CACNG5: variants seen among roughly 807,000 people sequenced by gnomAD.
CACNG5 encodes the protein calcium voltage-gated channel auxiliary subunit gamma 5.
Under a neutral mutation model 24.8 loss-of-function variants are expected in CACNG5, and 18 were observed. The observed-to-expected ratio is 0.73, with a 90% confidence interval of 0.50 to 1.08. The LOEUF (loss-of-function observed/expected upper bound fraction) is 1.08, where lower values mean the gene tolerates loss of function less well. Ranked by LOEUF, CACNG5 falls within the 50% of genes least tolerant of loss-of-function variation. CACNG5 has a pLI of 0.00. For synonymous variants in CACNG5, 157 were observed against 149.1 expected, an observed-to-expected ratio of 1.05 and a Z score of -0.39; for missense variants, 349 against 367.9, an observed-to-expected ratio of 0.95 and a Z score of 0.42.
At chr17:66,851,420 T>C (rs1167512712) in intron 1 of CACNG5, among the ~76,000 whole-genome samples, 1 of 152,178 alleles carries the variant, frequency 6.6e-6, no homozygotes, top group Non-Finnish European at 1.5e-5. Flanking sequence ...CAATAAAAAT[T>C]ACAGACCACA....
intron 1 of CACNG5, among the ~76,000 whole-genome samples, chr17:66,852,843 TTCCC>T (rs112031794): frequency 2.6e-5 from 4 of 151,836 alleles, no homozygotes; most frequent in Admixed American, 2.0e-4. Flanking sequence ...CGCTTCCCTT[TTCCC>T]TCCCTCCCTC....
intron 1 of CACNG5, among the ~76,000 whole-genome samples, chr17:66,854,184 C>T (rs564334987): frequency 6.6e-6 from 1 of 152,318 alleles, no homozygotes; most frequent in African/African-American, 2.4e-5. Flanking sequence ...AATCTCAGCA[C>T]TTTGGGAGGC....
intron 1 of CACNG5, among the ~76,000 whole-genome samples, chr17:66,843,224 C>A (rs1976591095): frequency 1.3e-5 from 2 of 152,178 alleles, no homozygotes; most frequent in Non-Finnish European, 2.9e-5. Context: ...GGATTTGAAC[C>A]TAGGCCCTTC....
At chr17:66,871,920 C>T (rs1054232971) in intron 1 of CACNG5, among the ~76,000 whole-genome samples, 1 of 152,140 alleles carries the variant, frequency 6.6e-6, no homozygotes, top group Non-Finnish European at 1.5e-5. Context: ...GGAACCCAGC[C>T]CTCAAAAGAT....
chr17:66,870,143 TG>T (rs1344201128), intron 1 of CACNG5, among the ~76,000 whole-genome samples: 1 of 152,106 alleles, frequency 6.6e-6, no homozygotes, highest in African/African-American at 2.4e-5. Flanking sequence ...ACTGTTTTAT[TG>T]TGCTCATGAT....
intron 1 of CACNG5, among the ~76,000 whole-genome samples, chr17:66,859,285 C>CT (rs1366652095): frequency 6.6e-6 from 1 of 152,140 alleles, no homozygotes; most frequent in Non-Finnish European, 1.5e-5. Context: ...GAACTCAGGG[C>CT]TTATGGCTGT....
intron 1 of CACNG5, among the ~76,000 whole-genome samples, chr17:66,869,997 C>A (rs138971494): frequency 7.2e-5 from 11 of 151,726 alleles, no homozygotes; most frequent in Admixed American, 3.9e-4. Context: ...GCAGGAGAAT[C>A]GCTTGAACCC....
intron 1 of CACNG5, among the ~76,000 whole-genome samples, chr17:66,873,311 A>T (rs1296860274): frequency 2.0e-5 from 3 of 152,224 alleles, no homozygotes; most frequent in Non-Finnish European, 4.4e-5. Context: ...CCCAGGTAGC[A>T]TTCCATAAAT....
At chr17:66,877,199 A>G in intron 1 of CACNG5, 31 bp from the exon 2 acceptor site, 1 of 686,692 alleles carries the variant, frequency 1.5e-6, no homozygotes, top group Non-Finnish European at 2.4e-6. Context: ...GTTTGACTTT[A>G]GTTACTGGCT....
At chr17:66,853,111 G>A (rs1355629308) in intron 1 of CACNG5, among the ~76,000 whole-genome samples, 1 of 152,132 alleles carries the variant, frequency 6.6e-6, no homozygotes, top group African/African-American at 2.4e-5. Context: ...ACAGGTGTGA[G>A]CAACCATGCC....
chr17:66,874,629 C>T (rs1977050624), intron 1 of CACNG5, among the ~76,000 whole-genome samples: 1 of 152,174 alleles, frequency 6.6e-6, no homozygotes, highest in African/African-American at 2.4e-5. Context: ...TGAGGGATTC[C>T]ATGACCCCAG....
chr17:66,863,887 C>T (rs984169396), intron 1 of CACNG5, among the ~76,000 whole-genome samples: 8 of 152,164 alleles, frequency 5.3e-5, no homozygotes, highest in African/African-American at 1.9e-4. Context: ...CTGGACAGGA[C>T]ATTCTAAGTG....
At chr17:66,858,173 C>G (rs1976806983) in intron 1 of CACNG5, among the ~76,000 whole-genome samples, 1 of 152,198 alleles carries the variant, frequency 6.6e-6, no homozygotes, top group Non-Finnish European at 1.5e-5. Context: ...CCCCAAATCT[C>G]TGCCTCCTTC....
chr17:66,885,110 A>G lies in CACNG5; in HGVS notation c.698A>G (p.His233Arg). ...NCSDYSGQFL[H>R]PDAWVRGRSP... is the part of the protein sequence containing the mutation. ...TCCGATTACTCAGGCCAGTTCCTACACCCAGACGCCTGGGTCAGGGGCCGC... is the reference window on the plus strand; with the variant it reads ...TCCGATTACTCAGGCCAGTTCCTACGCCCAGACGCCTGGGTCAGGGGCCGC... Residue 233 changes from histidine (H) to arginine (R), a missense_variant, in exon 6 of 6, where the codon CAC (histidine) becomes CGC (arginine). Transcript: ENST00000533854. 6.2e-7 allele frequency: 1 copy of G among 1,614,018 alleles called. No individual in the cohort carries two copies. Among genetic ancestry groups the G allele is most frequent in the East Asian group, 2.2e-5 (1 of 44,876 alleles).
In CACNG5 at chr17:66,892,804, A is replaced by G. The variant is rs1246185486; in HGVS notation, c.*7564A>G. Among the ~76,000 whole-genome samples, 5 of 152,342 alleles carry G rather than the reference A, an allele frequency of 3.3e-5. No individual in the cohort carries two copies. Among genetic ancestry groups the G allele is most frequent in the East Asian group, 1.9e-4 (1 of 5,182 alleles). On this transcript the variant is annotated 3_prime_UTR_variant, in exon 6 of 6. Coordinates refer to ENST00000533854, the MANE Select transcript of CACNG5 (RefSeq NM_145811.3). ...ACATAAGGTGAGTAGCAGCTATTCA[A>G]TCCATAGCATTTCTCAGTGTCCTAA...
chr17:66,837,935 G>C (rs1568059940), intron 1 of CACNG5, among the ~76,000 whole-genome samples: 1 of 152,166 alleles, frequency 6.6e-6, no homozygotes, highest in East Asian at 1.9e-4. Flanking sequence ...GGGAATTCTC[G>C]GTGTGAATAC....
chr17:66,849,255 T>A (rs1464935339), intron 1 of CACNG5, among the ~76,000 whole-genome samples: 1 of 151,680 alleles, frequency 6.6e-6, no homozygotes, highest in African/African-American at 2.4e-5. Context: ...GATGGATGCA[T>A]TGTTGTGGGG....
chr17:66,843,275 G>C (rs1976591438), intron 1 of CACNG5, among the ~76,000 whole-genome samples: 1 of 152,136 alleles, frequency 6.6e-6, no homozygotes, highest in Non-Finnish European at 1.5e-5. Context: ...CCACTCTGAA[G>C]TCCAGCACCT....
chr17:66,869,141 T>C (rs1025918326), intron 1 of CACNG5, among the ~76,000 whole-genome samples: 16 of 152,200 alleles, frequency 1.1e-4, no homozygotes, highest in Non-Finnish European at 2.2e-4. Context: ...TGGAGTACAA[T>C]GGTGCAATCT....
Sources: allele counts gnomAD v4.1 joint callset (sites outside exome capture counted in the v4.1 genomes callset), GRCh38; gene constraint gnomAD v4.1.1; transcripts MANE v1.5; gene names NCBI Gene and HGNC (gene_info 2026-07-23, HGNC 2026-07-21).